The following FBXW11 variants were observed in gnomAD, a reference collection of about 807,000 sequenced individuals.
FBXW11 encodes the protein F-box/WD repeat-containing protein 11.
In FBXW11, 19 loss-of-function variants were observed where a neutral mutation model predicts 77.6. The ratio of observed to expected loss-of-function variants is 0.24; its 90% CI spans 0.17 to 0.36. The LOEUF (loss-of-function observed/expected upper bound fraction) is 0.36, where lower values mean the gene tolerates loss of function less well. FBXW11 is among the 10% of genes least tolerant of loss of function. The pLI is 1.00. For synonymous variants in FBXW11, 235 were observed against 249.4 expected, an observed-to-expected ratio of 0.94 and a Z score of 0.54; for missense variants, 334 against 704.2, an observed-to-expected ratio of 0.47 and a Z score of 5.95.
intron 1 of FBXW11, among the ~76,000 whole-genome samples, chr5:171,987,957 T>C (rs1561752420): frequency 6.6e-6 from 1 of 152,162 alleles, no homozygotes; most frequent in African/African-American, 2.4e-5. Flanking sequence ...GAGTACATGC[T>C]CAATAATGAA....
At chr5:171,982,267 A>T (rs952442666) in intron 1 of FBXW11, among the ~76,000 whole-genome samples, 8 of 151,922 alleles carry the variant, frequency 5.3e-5, no homozygotes, top group African/African-American at 9.7e-5. Flanking sequence ...TTTTATTTTT[A>T]TTTATTTATT....
chr5:171,902,745 T>C (rs1436397165), intron 4 of FBXW11, among the ~76,000 whole-genome samples: 1 of 152,198 alleles, frequency 6.6e-6, no homozygotes, highest in Non-Finnish European at 1.5e-5. Context: ...TGTTCTACAA[T>C]TTGAAAAATC....
At chr5:171,912,029 G>A (rs147273818) in intron 3 of FBXW11, among the ~76,000 whole-genome samples, 1,632 of 152,240 alleles carry the variant, frequency 0.011, 10 homozygotes, top group Non-Finnish European at 0.017. Flanking sequence ...TATTAATTCC[G>A]TTAGGAACTT....
chr5:171,867,023 C>T (rs765494257), intron 13 of FBXW11, among the ~76,000 whole-genome samples: 1 of 152,192 alleles, frequency 6.6e-6, no homozygotes, highest in Non-Finnish European at 1.5e-5. Flanking sequence ...CACAACCAGT[C>T]CTTTGGGGTC....
chr5:171,868,517 TCA>T, intron 13 of FBXW11, 91 bp downstream of exon 13: 1 of 1,030,370 alleles, frequency 9.7e-7, no homozygotes, highest in Non-Finnish European at 1.4e-6. Flanking sequence ...AGACCTTGGT[TCA>T]CACATCACCA....
At position 171,899,937 on chromosome 5, in the gene FBXW11, T is replaced by C. The variant is rs1760003721; in HGVS notation, c.600A>G (p.Lys200=). 1 of 1,609,564 alleles carries C rather than the reference T, an allele frequency of 6.2e-7. No individual in the cohort carries two copies. Among genetic ancestry groups the C allele is most frequent in the Non-Finnish European group, 8.5e-7 (1 of 1,178,030 alleles). ...ERMVRTDPLW[K]GLSERRGWDQ... ...ACCACCCTCTTCTTTCTGAAAGTCC[T>C]TTCCATAGGGGATCAGTGCGTACCA... The change falls in exon 5 of 14, where the codon AAA becomes AAG. Residue 200 remains lysine (K), a synonymous_variant. Transcript: ENST00000517395.
At chr5:171,967,634 G>A (rs1225140167) in intron 1 of FBXW11, among the ~76,000 whole-genome samples, 7 of 151,714 alleles carry the variant, frequency 4.6e-5, no homozygotes, top group Non-Finnish European at 1.0e-4. Flanking sequence ...GAGGTTGGGA[G>A]TTCCAGACTA....
intron 3 of FBXW11, 108 bp from the exon 4 acceptor site, chr5:171,910,905 T>A (rs1217111217): frequency 1.1e-5 from 8 of 756,976 alleles, no homozygotes; most frequent in Non-Finnish European, 1.6e-5. Flanking sequence ...AAATGCCACT[T>A]TTACCCTAAA....
At chr5:171,920,306 G>C (rs867003601) in intron 2 of FBXW11, among the ~76,000 whole-genome samples, 6 of 151,812 alleles carry the variant, frequency 4.0e-5, no homozygotes, top group Non-Finnish European at 7.4e-5. Context: ...AGTTCATTTA[G>C]TCAGGTCTCC....
intron 2 of FBXW11, among the ~76,000 whole-genome samples, chr5:171,929,857 T>C (rs530948850): frequency 1.3e-5 from 2 of 151,628 alleles, no homozygotes; most frequent in East Asian, 1.9e-4. Context: ...GTCTCAAAAA[T>C]AAAACATAAA....
chr5:171,998,491 A>G (rs1766204876), intron 1 of FBXW11, among the ~76,000 whole-genome samples: 1 of 151,416 alleles, frequency 6.6e-6, no homozygotes, highest in Non-Finnish European at 1.5e-5. Flanking sequence ...CCACAATATT[A>G]ATGCTAAAAC....
intron 2 of FBXW11, among the ~76,000 whole-genome samples, chr5:171,935,173 G>A (rs1379399749): frequency 6.6e-6 from 1 of 152,130 alleles, no homozygotes; most frequent in African/African-American, 2.4e-5. Context: ...TAGCCAGGAC[G>A]GTCTTGATCT....
At chr5:171,882,162 C>G (rs1269992866) in intron 7 of FBXW11, among the ~76,000 whole-genome samples, 1 of 152,198 alleles carries the variant, frequency 6.6e-6, no homozygotes, top group South Asian at 2.1e-4. Context: ...GCTTAGATGA[C>G]TGATTTTTAG....
chr5:171,872,415 T>G (rs1397165845), intron 10 of FBXW11, among the ~76,000 whole-genome samples: 2 of 152,144 alleles, frequency 1.3e-5, no homozygotes, highest in African/African-American at 4.8e-5. Context: ...CTAAGGTTAG[T>G]CAGATTTATT....
At chr5:171,942,369 T>C (rs1156971105) in intron 2 of FBXW11, among the ~76,000 whole-genome samples, 1 of 152,062 alleles carries the variant, frequency 6.6e-6, no homozygotes, top group Admixed American at 6.6e-5. Context: ...GGAAGAGTTA[T>C]TTGGTCTTTG....
chr5:171,986,859 T>C (rs1765472708), intron 1 of FBXW11, among the ~76,000 whole-genome samples: 1 of 152,216 alleles, frequency 6.6e-6, no homozygotes, highest in African/African-American at 2.4e-5. Flanking sequence ...TGGACTGGTA[T>C]CAGTCTGTGA....
At chr5:171,998,222 C>T (rs934943280) in intron 1 of FBXW11, among the ~76,000 whole-genome samples, 1 of 151,784 alleles carries the variant, frequency 6.6e-6, no homozygotes, top group African/African-American at 2.4e-5. Flanking sequence ...TTTCAGCCTA[C>T]ATGAATCAGT....
chr5:171,871,579 ATATGATT>A (rs1317086421), intron 10 of FBXW11, among the ~76,000 whole-genome samples: 1 of 152,254 alleles, frequency 6.6e-6, no homozygotes, highest in Non-Finnish European at 1.5e-5. Context: ...TTTTCTCTGC[ATATGATT>A]TATGTAACAA....
chr5:172,003,716 G>GTTT (rs1766557529), intron 1 of FBXW11, among the ~76,000 whole-genome samples: 1 of 152,130 alleles, frequency 6.6e-6, no homozygotes, highest in Non-Finnish European at 1.5e-5. Context: ...CAAAGTGGGG[G>GTTT]TTATATTTTA....
Sources: allele counts gnomAD v4.1 joint callset (sites outside exome capture counted in the v4.1 genomes callset), GRCh38; gene constraint gnomAD v4.1.1; transcripts MANE v1.5; gene names NCBI Gene and HGNC (gene_info 2026-07-23, HGNC 2026-07-21).